The following LRRTM4 variants were observed in gnomAD, a reference collection of about 807,000 sequenced individuals.
LRRTM4 encodes the protein leucine rich repeat transmembrane neuronal 4, also known as leucine-rich repeat transmembrane neuronal protein 4.
Under a neutral mutation model 47.6 loss-of-function variants are expected in LRRTM4, and 25 were observed. That is an observed-to-expected ratio of 0.53 (90% confidence interval 0.38 to 0.73). The LOEUF (loss-of-function observed/expected upper bound fraction) is 0.73, where lower values mean the gene tolerates loss of function less well. Ranked by LOEUF, LRRTM4 falls within the 30% of genes least tolerant of loss-of-function variation. The probability of loss-of-function intolerance (pLI) is 0.00; values close to 1 mark genes in which losing one functional copy is unlikely to be tolerated. For missense variants in LRRTM4, 638 were observed against 713.4 expected, an observed-to-expected ratio of 0.89 and a Z score of 1.20; for synonymous variants, 311 against 269.5, an observed-to-expected ratio of 1.15 and a Z score of -1.51.
At chr2:77,063,527 A>G (rs1679860470) in intron 3 of LRRTM4, among the ~76,000 whole-genome samples, 1 of 152,158 alleles carries the variant, frequency 6.6e-6, no homozygotes, top group African/African-American at 2.4e-5. Flanking sequence ...AATGATATCA[A>G]TTGTTCTACC....
At chr2:76,772,326 A>C (rs1673747905) in intron 3 of LRRTM4, among the ~76,000 whole-genome samples, 1 of 152,100 alleles carries the variant, frequency 6.6e-6, no homozygotes, top group African/African-American at 2.4e-5. Context: ...AATTTTTTTT[A>C]ATTAAAGCCA....
intron 3 of LRRTM4, among the ~76,000 whole-genome samples, chr2:76,905,782 G>T (rs535535593): frequency 0.016 from 2,507 of 151,992 alleles, 81 homozygotes; most frequent in African/African-American, 0.057. Context: ...GAAGCGAGAA[G>T]GCAAGTTTAG....
chr2:77,288,396 G>A (rs1676722614), intron 3 of LRRTM4, among the ~76,000 whole-genome samples: 1 of 151,830 alleles, frequency 6.6e-6, no homozygotes, highest in Non-Finnish European at 1.5e-5. Flanking sequence ...AATGGAGTGT[G>A]AGAAGATATT....
intron 3 of LRRTM4, among the ~76,000 whole-genome samples, chr2:77,212,359 TA>T (rs1674316554): frequency 6.7e-6 from 1 of 149,206 alleles, no homozygotes; most frequent in Non-Finnish European, 1.5e-5. Flanking sequence ...ACTCATGATA[TA>T]TATATATATA....
At chr2:77,441,772 T>C (rs1243311129) in intron 3 of LRRTM4, among the ~76,000 whole-genome samples, 1 of 152,204 alleles carries the variant, frequency 6.6e-6, no homozygotes, top group Non-Finnish European at 1.5e-5. Flanking sequence ...GACATAGTTT[T>C]CCTTGCTTGA....
chr2:76,975,869 G>A (rs1339693675), intron 3 of LRRTM4, among the ~76,000 whole-genome samples: 1 of 151,652 alleles, frequency 6.6e-6, no homozygotes, highest in Non-Finnish European at 1.5e-5. Flanking sequence ...TTAGAAACAA[G>A]CAAATAAGTC....
At chr2:77,055,844 G>A (rs1679586405) in intron 3 of LRRTM4, among the ~76,000 whole-genome samples, 2 of 151,736 alleles carry the variant, frequency 1.3e-5, no homozygotes, top group Non-Finnish European at 1.5e-5. Flanking sequence ...TATACACCAT[G>A]GAATACTATG....
At chr2:77,052,642 T>TA (rs1343125381) in intron 3 of LRRTM4, among the ~76,000 whole-genome samples, 3 of 152,092 alleles carry the variant, frequency 2.0e-5, no homozygotes, top group African/African-American at 7.2e-5. Flanking sequence ...TTAGAATCTA[T>TA]ATAACAGGTT....
intron 3 of LRRTM4, among the ~76,000 whole-genome samples, chr2:76,830,977 C>T (rs750357528): frequency 7.2e-5 from 11 of 152,026 alleles, no homozygotes; most frequent in Non-Finnish European, 1.3e-4. Context: ...TCTGTGGTTA[C>T]AACTTAGCAT....
At chr2:76,903,260 G>C (rs756044623) in intron 3 of LRRTM4, among the ~76,000 whole-genome samples, 21 of 152,098 alleles carry the variant, frequency 1.4e-4, no homozygotes, top group Non-Finnish European at 2.6e-4. Flanking sequence ...ACATTAGCTG[G>C]GTGTGGTGGA....
At chr2:77,015,715 G>C (rs1221669582) in intron 3 of LRRTM4, among the ~76,000 whole-genome samples, 1 of 152,152 alleles carries the variant, frequency 6.6e-6, no homozygotes, top group Non-Finnish European at 1.5e-5. Flanking sequence ...CCTTGCAAAT[G>C]TATGAAGTGG....
At chr2:77,017,369 A>G (rs553948636) in intron 3 of LRRTM4, among the ~76,000 whole-genome samples, 4 of 152,350 alleles carry the variant, frequency 2.6e-5, no homozygotes, top group African/African-American at 7.2e-5. Flanking sequence ...CTTTTATAGA[A>G]CAAATGCCAT....
At chr2:76,898,608 ATAAT>A (rs1160435775) in intron 3 of LRRTM4, among the ~76,000 whole-genome samples, 1 of 151,102 alleles carries the variant, frequency 6.6e-6, no homozygotes, top group Non-Finnish European at 1.5e-5. Context: ...GTAATGCAAA[ATAAT>A]TATTTAATTA....
chr2:76,807,471 C>CACACATAT (rs545039725), intron 3 of LRRTM4, among the ~76,000 whole-genome samples: 61 of 97,452 alleles, frequency 6.3e-4, no homozygotes, highest in East Asian at 5.7e-3. Context: ...TATATATATA[C>CACACATAT]ATATATATAT....
intron 3 of LRRTM4, among the ~76,000 whole-genome samples, chr2:77,193,743 CT>C (rs369113478): frequency 5.0e-4 from 76 of 152,240 alleles, no homozygotes; most frequent in African/African-American, 1.8e-3. Context: ...GGGCATTGCA[CT>C]CCGGCCTGGG....
chr2:77,468,527 T>C (rs771120288), intron 3 of LRRTM4, among the ~76,000 whole-genome samples: 5 of 152,198 alleles, frequency 3.3e-5, no homozygotes, highest in Admixed American at 1.3e-4. Flanking sequence ...TATTGAAGTA[T>C]CTGGGCGTCA....
intron 3 of LRRTM4, among the ~76,000 whole-genome samples, chr2:76,979,696 C>CGATAGATAGATATATA (rs1676538305): frequency 6.8e-6 from 1 of 146,452 alleles, no homozygotes; most frequent in Admixed American, 6.8e-5. Flanking sequence ...AGAGTATAAG[C>CGATAGATAGATATATA]GATAGATAGA....
At chr2:76,858,395 C>T (rs1672218049) in intron 3 of LRRTM4, among the ~76,000 whole-genome samples, 1 of 152,188 alleles carries the variant, frequency 6.6e-6, no homozygotes, top group Admixed American at 6.5e-5. Flanking sequence ...TTCTTGGCTG[C>T]AGCCTGCCAG....
chr2:76,935,020 C>T (rs80296028), intron 3 of LRRTM4, among the ~76,000 whole-genome samples: 13,230 of 150,868 alleles, frequency 0.088, 922 homozygotes, highest in East Asian at 0.38. Flanking sequence ...TGCTGATTAT[C>T]GAACTTTCTG....
Sources: allele counts gnomAD v4.1 joint callset (sites outside exome capture counted in the v4.1 genomes callset), GRCh38; gene constraint gnomAD v4.1.1; transcripts MANE v1.5; gene names NCBI Gene and HGNC (gene_info 2026-07-23, HGNC 2026-07-21).